PDE10A: variants seen among roughly 807,000 people sequenced by gnomAD.
The protein encoded by PDE10A is cAMP and cAMP-inhibited cGMP 3',5'-cyclic phosphodiesterase 10A.
PDE10A carries 39 observed loss-of-function variants against 97.7 expected under a neutral mutation model. The observed-to-expected ratio is 0.40, with a 90% CI of 0.31 to 0.52. PDE10A has a LOEUF of 0.52. Ranked by LOEUF, PDE10A falls within the 20% of genes least tolerant of loss-of-function variation. The pLI is 0.56. For synonymous variants in PDE10A, 371 were observed against 376.8 expected (o/e 0.98, Z 0.18); for missense variants, 731 against 1,047.8 (o/e 0.70, Z 4.17).
chr6:165,407,726 T>C (rs1787322761), intron 13 of PDE10A, among the ~76,000 whole-genome samples: 1 of 152,276 alleles, frequency 6.6e-6, no homozygotes, highest in Non-Finnish European at 1.5e-5. Flanking sequence ...TAATCTGTTT[T>C]AAAAGATTTA....
chr6:165,397,754 T>C (rs1286930997), intron 13 of PDE10A, among the ~76,000 whole-genome samples: 1 of 146,824 alleles, frequency 6.8e-6, no homozygotes, highest in African/African-American at 2.5e-5. Context: ...AGAGTAAAGA[T>C]ACTTTCTTTA....
intron 1 of PDE10A, among the ~76,000 whole-genome samples, chr6:165,977,928 A>G (rs1194508757): frequency 2.0e-5 from 3 of 152,232 alleles, no homozygotes; most frequent in Non-Finnish European, 4.4e-5. Context: ...AGAGCAAGCT[A>G]CTGCAACAAT....
At chr6:165,789,931 G>T (rs1282394930) in intron 1 of PDE10A, among the ~76,000 whole-genome samples, 1 of 152,174 alleles carries the variant, frequency 6.6e-6, no homozygotes, top group Non-Finnish European at 1.5e-5. Context: ...GGATAAGAAA[G>T]AGACGGGATG....
chr6:165,605,047 C>T (rs1787143014), intron 1 of PDE10A, among the ~76,000 whole-genome samples: 1 of 152,186 alleles, frequency 6.6e-6, no homozygotes, highest in South Asian at 2.1e-4. Flanking sequence ...CTTTGCCTCA[C>T]TCTTTACATT....
intron 1 of PDE10A, among the ~76,000 whole-genome samples, chr6:165,983,838 G>A (rs1318714621): frequency 6.6e-6 from 1 of 152,222 alleles, no homozygotes; most frequent in African/African-American, 2.4e-5. Context: ...TTAATCATGG[G>A]TAAGGGGTTA....
intron 1 of PDE10A, among the ~76,000 whole-genome samples, chr6:165,942,455 A>T (rs1232071346): frequency 6.6e-6 from 1 of 152,100 alleles, no homozygotes; most frequent in South Asian, 2.1e-4. Context: ...GCCCCTTTGC[A>T]CCCAGAGAAG....
chr6:165,425,770 C>CATGTGTGTGTGTGT (rs112669910), intron 10 of PDE10A, among the ~76,000 whole-genome samples: 5 of 144,138 alleles, frequency 3.5e-5, no homozygotes, highest in African/African-American at 1.0e-4. Context: ...AAGGCATGAT[C>CATGTGTGTGTGTGT]GTGTGTGTGT....
intron 1 of PDE10A, among the ~76,000 whole-genome samples, chr6:165,874,269 T>C (rs1781277006): frequency 6.6e-6 from 1 of 152,216 alleles, no homozygotes; most frequent in Non-Finnish European, 1.5e-5. Context: ...GATTCAAAGT[T>C]GGGAGCCATC....
At chr6:165,586,819 A>G (rs547035918) in intron 1 of PDE10A, among the ~76,000 whole-genome samples, 1 of 152,338 alleles carries the variant, frequency 6.6e-6, no homozygotes, top group South Asian at 2.1e-4. Context: ...GCCAACATCT[A>G]GAACTCGGTA....
At chr6:165,653,923 C>A (rs977242013) in intron 1 of PDE10A, among the ~76,000 whole-genome samples, 2 of 152,130 alleles carry the variant, frequency 1.3e-5, no homozygotes, top group Admixed American at 1.3e-4. Flanking sequence ...TCCTACTCTA[C>A]GAGCCCTGAC....
chr6:165,654,951 C>T (rs1789862974), intron 1 of PDE10A, among the ~76,000 whole-genome samples: 1 of 152,190 alleles, frequency 6.6e-6, no homozygotes, highest in Non-Finnish European at 1.5e-5. Context: ...CTGTCCTATC[C>T]TCCGACTTCT....
chr6:165,500,797 G>A (rs565286429), intron 2 of PDE10A, among the ~76,000 whole-genome samples: 54 of 152,110 alleles, frequency 3.6e-4, no homozygotes, highest in South Asian at 1.9e-3. Context: ...AGAATGTCTC[G>A]GTGTAAAACC....
intron 1 of PDE10A, among the ~76,000 whole-genome samples, chr6:165,956,842 C>T (rs1384832690): frequency 6.6e-6 from 1 of 152,186 alleles, no homozygotes; most frequent in Non-Finnish European, 1.5e-5. Context: ...TGGCCATAGG[C>T]AAATGATGGT....
chr6:165,820,847 G>GTATT (rs1779549862), intron 1 of PDE10A, among the ~76,000 whole-genome samples: 1 of 152,240 alleles, frequency 6.6e-6, no homozygotes, highest in East Asian at 1.9e-4. Context: ...TCTAAGTGAA[G>GTATT]TATTTAGCCT....
intron 1 of PDE10A, among the ~76,000 whole-genome samples, chr6:165,787,450 G>A (rs1778527057): frequency 2.0e-5 from 3 of 152,178 alleles, no homozygotes; most frequent in African/African-American, 7.2e-5. Context: ...ATGAATAAAT[G>A]ATGGAAGGGA....
chr6:165,411,184 G>T (rs1379833654), intron 13 of PDE10A, among the ~76,000 whole-genome samples: 3 of 149,856 alleles, frequency 2.0e-5, no homozygotes, highest in Non-Finnish European at 4.4e-5. Flanking sequence ...CTAAGGAATA[G>T]TTCCAGATGA....
At chr6:165,811,143 A>C (rs1779271411) in intron 1 of PDE10A, among the ~76,000 whole-genome samples, 1 of 152,172 alleles carries the variant, frequency 6.6e-6, no homozygotes, top group Non-Finnish European at 1.5e-5. Flanking sequence ...GAATTGCTTG[A>C]ACCCAGGAGG....
rs747042856 is a variant in PDE10A, at chr6:165,543,549, C to G, written c.885G>C (p.Val295=). The G allele has an allele frequency of 4.3e-6, 7 of 1,610,282 alleles. No homozygotes were observed. The East Asian group carries it at 1.6e-4, about 36-fold the overall frequency. The part of the protein sequence containing the change: ...FLSPSLTDEK[V]KAYLSLHPQV... The stretch of plus-strand genomic sequence containing the variant: ...GGGGGTGAAGAGAAAGATATGCCTT[C>G]ACTTTTTCATCTGTCAAACCTGTAA... The change falls in exon 2 of 22, where the codon GTG becomes GTC. Residue 295 remains valine (V), a synonymous_variant. Transcript: ENST00000539869.
intron 2 of PDE10A, among the ~76,000 whole-genome samples, chr6:165,517,388 C>A (rs1222134051): frequency 6.6e-6 from 1 of 152,138 alleles, no homozygotes; most frequent in East Asian, 1.9e-4. Context: ...GATAGTTCAA[C>A]ACAAACACCA....
Sources: allele counts gnomAD v4.1 joint callset (sites outside exome capture counted in the v4.1 genomes callset), GRCh38; gene constraint gnomAD v4.1.1; transcripts MANE v1.5; gene names NCBI Gene and HGNC (gene_info 2026-07-23, HGNC 2026-07-21).